Variants in ADCY7 observed in about 807,000 individuals in gnomAD.
ADCY7 encodes the protein adenylate cyclase type 7.
ADCY7 carries 72 observed loss-of-function variants against 120.6 expected under a neutral mutation model. The observed-to-expected ratio is 0.60, with a 90% confidence interval of 0.49 to 0.73. The LOEUF is 0.73. ADCY7 is among the 30% of genes least tolerant of loss of function. The pLI is 0.00. For synonymous variants in ADCY7, 661 were observed against 628.0 expected (o/e 1.05, Z -0.78); for missense variants, 1,227 against 1,486.0 (o/e 0.83, Z 2.87).
At chr16:50,259,985 C>T (rs1238274062) in intron 1 of ADCY7, among the ~76,000 whole-genome samples, 2 of 151,930 alleles carry the variant, frequency 1.3e-5, no homozygotes, top group African/African-American at 4.8e-5. Flanking sequence ...AAAGATGCAT[C>T]TGGGAGGAGG....
At chr16:50,302,104 C>T (rs2035763340) in intron 10 of ADCY7, 1 of 152,770 alleles carries the variant, frequency 6.5e-6, no homozygotes, top group South Asian at 2.1e-4. Context: ...CCCCGCCCCT[C>T]CAAGCCCCTT....
At chr16:50,309,458 A>T (rs967174815) in intron 17 of ADCY7, 90 bp from the exon 18 acceptor site, 28 of 1,046,410 alleles carry the variant, frequency 2.7e-5, no homozygotes, top group African/African-American at 3.2e-5. Flanking sequence ...CTGCTGTGAT[A>T]CTCATGGTTG....
At chr16:50,313,269 T>C in intron 22 of ADCY7, 1 of 419,820 alleles carries the variant, frequency 2.4e-6, no homozygotes, top group Middle Eastern at 7.5e-4. Flanking sequence ...ATACAAAAAA[T>C]TACAAGCTGG....
intron 22 of ADCY7, chr16:50,313,302 C>T: frequency 3.0e-6 from 1 of 337,142 alleles, no homozygotes; most frequent in South Asian, 2.8e-5. Flanking sequence ...CACCTGTAAT[C>T]CCAGCTACTT....
At chr16:50,260,556 T>G (rs898996679) in intron 1 of ADCY7, among the ~76,000 whole-genome samples, 12 of 152,214 alleles carry the variant, frequency 7.9e-5, no homozygotes, top group Admixed American at 3.9e-4. Flanking sequence ...TGTAACAAAT[T>G]ATTCCAATTA....
In ADCY7 at chr16:50,317,908, AC is replaced by A. The variant is rs1439189452; in HGVS notation, c.*2404del. 6.6e-6 allele frequency: 1 copy of A among 152,260 alleles called. No homozygotes were observed. The highest frequency in any genetic ancestry group is 1.5e-5 in the Non-Finnish European group (1 of 68,000). The allele number at this position is 152,260 out of a possible 1,614,324, so 9.4% of individuals were successfully genotyped here. On this transcript the variant is annotated 3_prime_UTR_variant, in exon 26 of 26. Transcript: ENST00000673801. ...AGGAAATTTCCTAACAAACAAACAA[AC>A]AAACAAACAGAAGAGAAGATCATTA...
rs753394837 is a variant in ADCY7 at position 50,305,764 on chromosome 16, C to T, written c.1680-13C>T. On this transcript the variant is annotated splice_polypyrimidine_tract_variant and intron_variant, in intron 13 of 25. Coordinates refer to ENST00000673801, the MANE Select transcript of ADCY7 (RefSeq NM_001114.5). Reference sequence around the variant, plus strand: ...CCCAGCCCCCATCTCACCGCAGCTGCCCCCGCCCACAGGCCCTGCTGCTCC... The same window carrying T: ...CCCAGCCCCCATCTCACCGCAGCTGTCCCCGCCCACAGGCCCTGCTGCTCC... 10 of 1,613,016 alleles carry T rather than the reference C, an allele frequency of 6.2e-6. No homozygotes were observed. In the South Asian group the frequency reaches 1.1e-4, roughly 18 times the overall value.
intron 22 of ADCY7, 74 bp from the exon 23 acceptor site, chr16:50,313,884 T>C: frequency 7.7e-7 from 1 of 1,295,760 alleles, no homozygotes; most frequent in Admixed American, 1.8e-5. Context: ...CCCCACACCC[T>C]TCCTGAGAAG....
chr16:50,280,784 C>T (rs1238448935), intron 1 of ADCY7, among the ~76,000 whole-genome samples: 1 of 152,192 alleles, frequency 6.6e-6, no homozygotes, highest in Non-Finnish European at 1.5e-5. Flanking sequence ...GAGCTGGCCT[C>T]AGAGGTCTGA....
chr16:50,303,092 G>A (rs1327944948), intron 10 of ADCY7, among the ~76,000 whole-genome samples: 1 of 152,182 alleles, frequency 6.6e-6, no homozygotes. Flanking sequence ...TTCTCAGGGG[G>A]CTGGGGTGTC....
chr16:50,255,637 GGTGCA>G (rs1280294486), intron 1 of ADCY7, among the ~76,000 whole-genome samples: 2 of 152,128 alleles, frequency 1.3e-5, no homozygotes, highest in South Asian at 2.1e-4. Flanking sequence ...TGGGACAACA[GGTGCA>G]TGCCACCTTT....
chr16:50,287,355 A>G (rs1397117927), intron 1 of ADCY7, among the ~76,000 whole-genome samples: 1 of 150,582 alleles, frequency 6.6e-6, no homozygotes, highest in Non-Finnish European at 1.5e-5. Context: ...TGACTGAGGG[A>G]CTGAATTTCT....
chr16:50,294,631 C>CCAACCCCCCCAACACTA lies in ADCY7; in HGVS notation c.837-9_837-8insCAACCCCCCCAACACTA. ...TCTGACACTCCCTCCCACCCTGCCCCATCCCCAGCATCCTCTATGCGGACA... is the reference window on the plus strand; with the variant it reads ...TCTGACACTCCCTCCCACCCTGCCCCCAACCCCCCCAACACTAATCCCCAGCATCCTCTATGCGGACA... On this transcript the variant is annotated splice_polypyrimidine_tract_variant and intron_variant, in intron 6 of 25. Coordinates refer to ENST00000673801, the MANE Select transcript of ADCY7 (RefSeq NM_001114.5). 1 of 1,545,266 alleles carries CCAACCCCCCCAACACTA rather than the reference C, an allele frequency of 6.5e-7. No individual in the cohort carries two copies.
chr16:50,299,364 AC>A (rs753501107), intron 8 of ADCY7, among the ~76,000 whole-genome samples: 2 of 152,032 alleles, frequency 1.3e-5, no homozygotes, highest in Non-Finnish European at 2.9e-5. Flanking sequence ...CAGCCGGGGG[AC>A]CTTTCCGACC....
At chr16:50,260,028 C>T (rs1455377164) in intron 1 of ADCY7, among the ~76,000 whole-genome samples, 2 of 152,224 alleles carry the variant, frequency 1.3e-5, no homozygotes, top group African/African-American at 4.8e-5. Flanking sequence ...GCTGCCTCTG[C>T]GAGTCCCTCT....
intron 1 of ADCY7, among the ~76,000 whole-genome samples, chr16:50,252,345 C>T (rs926710970): frequency 6.6e-6 from 1 of 152,176 alleles, no homozygotes; most frequent in African/African-American, 2.4e-5. Context: ...TGCCACTGGT[C>T]CCCCGCCAGC....
chr16:50,313,289 G>A lies in ADCY7; in HGVS notation c.2751+253G>A, dbSNP rs118075427. ...AAAAATTACAAGCTGGGCTTGGGGC[G>A]CACACCTGTAATCCCAGCTACTTGG... On this transcript the variant is annotated intron_variant, in intron 22 of 25. Coordinates refer to ENST00000673801, the MANE Select transcript of ADCY7 (RefSeq NM_001114.5). 5.3e-4 allele frequency: 199 copies of A among 372,886 alleles called. No individual in the cohort carries two copies. The East Asian group carries it at 0.011, about 21-fold the overall frequency. The allele number at this position is 372,886 out of a possible 1,614,324, so 23.1% of individuals were successfully genotyped here.
intron 7 of ADCY7, among the ~76,000 whole-genome samples, chr16:50,296,361 A>ATTT (rs34381393): frequency 0.66 from 91,799 of 139,316 alleles, 31,583 homozygotes; most frequent in Non-Finnish European, 0.76. Flanking sequence ...CCCCATCAGA[A>ATTT]TTTTTTTTTT....
chr16:50,302,917 T>C (rs2035826057), intron 10 of ADCY7, among the ~76,000 whole-genome samples: 1 of 152,260 alleles, frequency 6.6e-6, no homozygotes, highest in African/African-American at 2.4e-5. Context: ...GGCTCTGCCT[T>C]ACGCCATTGC....
Sources: allele counts gnomAD v4.1 joint callset (sites outside exome capture counted in the v4.1 genomes callset), GRCh38; gene constraint gnomAD v4.1.1; transcripts MANE v1.5; gene names NCBI Gene and HGNC (gene_info 2026-07-23, HGNC 2026-07-21).